FRMD6: variants seen among roughly 807,000 people sequenced by gnomAD.
FRMD6 encodes FERM domain containing 6.
In FRMD6, 37 loss-of-function variants were observed where a neutral mutation model predicts 73.2. The ratio of observed to expected loss-of-function variants is 0.51; its 90% CI spans 0.39 to 0.66. The LOEUF is 0.66. Ranked by LOEUF, FRMD6 falls within the 30% of genes least tolerant of loss-of-function variation. FRMD6 has a pLI of 0.00. For missense variants in FRMD6, 714 were observed against 780.5 expected (o/e 0.91, Z 1.02); for synonymous variants, 273 against 282.2 (o/e 0.97, Z 0.33).
At chr14:51,711,477 T>C in intron 7 of FRMD6, 54 bp from the exon 8 acceptor site, 1 of 1,222,856 alleles carries the variant, frequency 8.2e-7, no homozygotes, top group Non-Finnish European at 1.2e-6. Flanking sequence ...AATTGTCCAC[T>C]GTAGAAAAAA....
intron 2 of FRMD6, among the ~76,000 whole-genome samples, chr14:51,635,443 C>A (rs953497185): frequency 7.9e-5 from 12 of 152,046 alleles, no homozygotes; most frequent in Non-Finnish European, 1.0e-4. Context: ...TTTCAGGGAC[C>A]CAATGCCATT....
chr14:51,404,387 T>G, the FRMD6 span, among the ~76,000 whole-genome samples: 1 of 152,166 alleles, frequency 6.6e-6, no homozygotes, highest in Non-Finnish European at 1.5e-5. Flanking sequence ...GTACTTAATT[T>G]TAATATAGTT....
the FRMD6 span, among the ~76,000 whole-genome samples, chr14:51,403,425 G>A: frequency 6.8e-6 from 1 of 147,846 alleles, no homozygotes. Context: ...ATTTGAGACA[G>A]GGTCTCACTC....
intron 1 of FRMD6, among the ~76,000 whole-genome samples, chr14:51,564,854 G>A (rs1887690203): frequency 6.6e-6 from 1 of 152,138 alleles, no homozygotes; most frequent in African/African-American, 2.4e-5. Context: ...TAAAAATATA[G>A]GAAAAGAAAT....
chr14:51,652,950 TG>T (rs1258535696), intron 1 of FRMD6, among the ~76,000 whole-genome samples: 6 of 152,254 alleles, frequency 3.9e-5, no homozygotes, highest in Non-Finnish European at 5.9e-5. Flanking sequence ...AGTTGAAAGC[TG>T]GCAGATTTTC....
the FRMD6 span, among the ~76,000 whole-genome samples, chr14:51,418,775 C>T: frequency 1.2e-4 from 19 of 152,372 alleles, no homozygotes; most frequent in African/African-American, 4.6e-4. Context: ...CTATGCCCTG[C>T]TCCCAGCGGC....
intron 2 of FRMD6, among the ~76,000 whole-genome samples, chr14:51,635,067 G>C (rs1233315474): frequency 6.6e-6 from 1 of 151,962 alleles, no homozygotes; most frequent in Admixed American, 6.6e-5. Flanking sequence ...CCCGAGTAAG[G>C]CTTCAACTTC....
the FRMD6 span, among the ~76,000 whole-genome samples, chr14:51,413,470 C>T: frequency 6.6e-6 from 1 of 152,146 alleles, no homozygotes; most frequent in African/African-American, 2.4e-5. Flanking sequence ...TCATCCGTGT[C>T]CCTGCAAAGG....
At chr14:51,693,554 T>A (rs1177869930) in intron 2 of FRMD6, among the ~76,000 whole-genome samples, 1 of 152,200 alleles carries the variant, frequency 6.6e-6, no homozygotes, top group East Asian at 1.9e-4. Context: ...GGGATAATCT[T>A]ACCCTCTGCA....
rs141527069 is a variant in FRMD6 at position 51,674,748 on chromosome 14, G to A, written c.-146-14943G>A. ...AAGCATACTTTAAGCCTCTCTCAAC[G>A]CATCAGAGGATGATTACTGTGAGAA... On this transcript the variant is annotated intron_variant, in intron 1 of 13. Coordinates refer to ENST00000344768, the MANE Select transcript of FRMD6 (RefSeq NM_001267046.2). Among the ~76,000 whole-genome samples the A allele has an allele frequency of 4.8e-3, 732 of 152,118 alleles. 4 individuals are homozygous for A. The highest frequency in any genetic ancestry group is 9.8e-3 in the African/African-American group (407 of 41,526).
intron 13 of FRMD6, 24 bp downstream of exon 13, chr14:51,725,894 C>G: frequency 6.5e-7 from 1 of 1,547,896 alleles, no homozygotes; most frequent in Non-Finnish European, 8.9e-7. Context: ...TGAAAAATAT[C>G]AGTTAGGAAA....
At chr14:51,591,763 A>C (rs1014531325) in intron 2 of FRMD6, among the ~76,000 whole-genome samples, 1 of 152,094 alleles carries the variant, frequency 6.6e-6, no homozygotes, top group Non-Finnish European at 1.5e-5. Context: ...GGCTGGTCTC[A>C]AACTCCTGAC....
chr14:51,484,089 T>C, the FRMD6 span, among the ~76,000 whole-genome samples: 3 of 152,176 alleles, frequency 2.0e-5, no homozygotes, highest in Non-Finnish European at 4.4e-5. Context: ...ATCTGTTAAA[T>C]GTATAAAAAA....
At chr14:51,484,630 C>T (rs939749034), upstream of FRMD6, among the ~76,000 whole-genome samples, 1 of 152,220 alleles carries the variant, frequency 6.6e-6, no homozygotes, top group African/African-American at 2.4e-5. Flanking sequence ...AAGATAGTCC[C>T]TCCCTCACTT....
the FRMD6 span, among the ~76,000 whole-genome samples, chr14:51,416,977 C>T: frequency 6.6e-6 from 1 of 151,560 alleles, no homozygotes; most frequent in Non-Finnish European, 1.5e-5. Flanking sequence ...TATTGCAACC[C>T]CTGCTTTTTT....
chr14:51,465,927 C>CCAGCA, the FRMD6 span, among the ~76,000 whole-genome samples: 8 of 152,262 alleles, frequency 5.3e-5, no homozygotes, highest in Non-Finnish European at 7.4e-5. Flanking sequence ...ACCAGCAGTA[C>CCAGCA]ATGAGAGTTC....
intron 6 of FRMD6, among the ~76,000 whole-genome samples, chr14:51,705,362 G>A (rs1566581679): frequency 6.6e-6 from 1 of 152,034 alleles, no homozygotes; most frequent in South Asian, 2.1e-4. Context: ...CTCCACTCTC[G>A]GGGAGGAACT....
upstream of FRMD6, among the ~76,000 whole-genome samples, chr14:51,488,945 G>GTA (rs1442798381): frequency 6.6e-6 from 1 of 152,184 alleles, no homozygotes; most frequent in Non-Finnish European, 1.5e-5. Context: ...CTTTGGGTGG[G>GTA]TATGTTGCCC....
rs1596560585 is a variant in FRMD6, at chr14:51,540,601, G to C, written c.-209-29747G>C. Among the ~76,000 whole-genome samples, 3 of 152,240 alleles carry C rather than the reference G, an allele frequency of 2.0e-5. No homozygotes were observed. The South Asian group carries it at 6.2e-4, about 32-fold the overall frequency. ...CATGGCAAACTTGCTTTGCAAAGTA[G>C]ATTTTACAGCCCTGTGAAGTAAGCT... On this transcript the variant is annotated intron_variant, in intron 1 of 14. Coordinates refer to the FRMD6 transcript ENST00000356218.
Sources: allele counts gnomAD v4.1 joint callset (sites outside exome capture counted in the v4.1 genomes callset), GRCh38; gene constraint gnomAD v4.1.1; transcripts MANE v1.5; gene names NCBI Gene and HGNC (gene_info 2026-07-23, HGNC 2026-07-21).